CMIP: variants seen among roughly 807,000 people sequenced by gnomAD.
CMIP encodes C-Maf-inducing protein.
In CMIP, 13 loss-of-function variants were observed where a neutral mutation model predicts 97.3. The observed-to-expected ratio is 0.13, with a 90% CI of 0.09 to 0.21. The LOEUF (loss-of-function observed/expected upper bound fraction) is 0.21, where lower values mean the gene tolerates loss of function less well. Among genes scored for constraint, CMIP ranks in the 10% least tolerant of loss-of-function variants. The pLI is 1.00. For synonymous variants in CMIP, 538 were observed against 436.3 expected (o/e 1.23, Z -2.91); for missense variants, 847 against 1,024.9 (o/e 0.83, Z 2.37).
At chr16:81,488,275 A>C (rs1379296815) in intron 1 of CMIP, among the ~76,000 whole-genome samples, 1 of 151,992 alleles carries the variant, frequency 6.6e-6, no homozygotes, top group African/African-American at 2.4e-5. Context: ...ATGGGTTTTA[A>C]ATTCCTCTTC....
chr16:81,636,359 G>A (rs138570502), intron 3 of CMIP, among the ~76,000 whole-genome samples: 3,733 of 152,022 alleles, frequency 0.025, 153 homozygotes, highest in African/African-American at 0.086. Flanking sequence ...GAGGCAGGTG[G>A]CTCACCTGAG....
chr16:81,668,595 C>T lies in CMIP; in HGVS notation c.826-1547C>T, dbSNP rs762184374. Among the ~76,000 whole-genome samples the T allele has an allele frequency of 9.2e-5, 14 of 152,154 alleles. 1 individual carries two copies. Among genetic ancestry groups the T allele is most frequent in the Admixed American group, 7.2e-4 (11 of 15,282 alleles). On this transcript the variant is annotated intron_variant, in intron 7 of 20. Coordinates refer to ENST00000537098, the MANE Select transcript of CMIP (RefSeq NM_198390.3). ...CCTTGACCTGGCCCCTTGACAGAGC[C>T]CCGCAGTGGACACTTTAGTTCCGGG... is the stretch of plus-strand genomic sequence containing the variant.
intron 1 of CMIP, among the ~76,000 whole-genome samples, chr16:81,447,712 C>T (rs1905948091): frequency 6.6e-6 from 1 of 152,264 alleles, no homozygotes; most frequent in South Asian, 2.1e-4. Flanking sequence ...TTTCCGCTGC[C>T]TTTCGTCACC....
intron 10 of CMIP, among the ~76,000 whole-genome samples, chr16:81,689,652 A>C (rs1400760585): frequency 2.0e-5 from 3 of 152,128 alleles, no homozygotes; most frequent in Non-Finnish European, 4.4e-5. Flanking sequence ...GAAGCTCTTT[A>C]GTTTAATTAG....
intron 1 of CMIP, among the ~76,000 whole-genome samples, chr16:81,599,786 A>G (rs1182496674): frequency 6.6e-6 from 1 of 152,176 alleles, no homozygotes; most frequent in Non-Finnish European, 1.5e-5. Flanking sequence ...GCATGTGGAT[A>G]ACAGGGATAA....
At chr16:81,572,760 C>G (rs1164774978) in intron 1 of CMIP, among the ~76,000 whole-genome samples, 2 of 152,186 alleles carry the variant, frequency 1.3e-5, no homozygotes, top group Admixed American at 1.3e-4. Context: ...CAAGGTCCCT[C>G]AGGCTGGTTG....
At position 81,607,435 on chromosome 16, in the gene CMIP, G is replaced by A. The variant is rs192060825; in HGVS notation, c.301-132G>A. ...GGGAGGCTTGCTTTGGTCACCAGAG[G>A]TGCTGAGCTCCTGCACCAGCTCCAT... On this transcript the variant is annotated intron_variant, in intron 1 of 20. Coordinates refer to ENST00000537098, the MANE Select transcript of CMIP (RefSeq NM_198390.3). 18 of 1,167,906 alleles carry A rather than the reference G, an allele frequency of 1.5e-5. No homozygotes were observed. In the African/African-American group the frequency reaches 2.3e-4, roughly 15 times the overall value. 72.3% of individuals were successfully genotyped at this position (1,167,906 alleles called of 1,614,324 possible).
At chr16:81,651,168 T>C (rs2092424035) in intron 3 of CMIP, 1 of 152,122 alleles carries the variant, frequency 6.6e-6, no homozygotes, top group Admixed American at 6.5e-5. Flanking sequence ...AAAATTAGGC[T>C]CTCCCTAAGG....
intron 10 of CMIP, among the ~76,000 whole-genome samples, chr16:81,679,146 C>G (rs541435182): frequency 6.6e-6 from 1 of 152,270 alleles, no homozygotes; most frequent in Admixed American, 6.5e-5. Flanking sequence ...CTTTGTGTGC[C>G]TGAACGGCCA....
intron 1 of CMIP, among the ~76,000 whole-genome samples, chr16:81,592,278 C>T (rs755247011): frequency 6.6e-5 from 10 of 152,218 alleles, no homozygotes; most frequent in Non-Finnish European, 1.3e-4. Flanking sequence ...TGGTCTGTGT[C>T]CTGTCTCAGG....
At chr16:81,551,543 C>T (rs372923728) in intron 1 of CMIP, among the ~76,000 whole-genome samples, 21 of 152,298 alleles carry the variant, frequency 1.4e-4, no homozygotes, top group East Asian at 7.7e-4. Context: ...CAGTGTGTGG[C>T]TGTAGGTGGC....
chr16:81,518,188 C>T (rs2089952811), intron 1 of CMIP: 1 of 152,222 alleles, frequency 6.6e-6, no homozygotes, highest in African/African-American at 2.4e-5. Context: ...CCCTGCATTT[C>T]CTATTTGGCT....
chr16:81,654,606 C>T (rs1316246751), intron 4 of CMIP, among the ~76,000 whole-genome samples: 1 of 152,314 alleles, frequency 6.6e-6, no homozygotes, highest in Non-Finnish European at 1.5e-5. Context: ...CTGCCTGACC[C>T]GGCATCCACT....
intron 1 of CMIP, among the ~76,000 whole-genome samples, chr16:81,534,225 C>G (rs919813838): frequency 4.6e-5 from 7 of 152,216 alleles, no homozygotes; most frequent in Non-Finnish European, 7.3e-5. Flanking sequence ...ACTCTGAGCT[C>G]TTTAAAATTG....
intron 1 of CMIP, among the ~76,000 whole-genome samples, chr16:81,564,575 A>C (rs563961635): frequency 6.6e-6 from 1 of 152,348 alleles, no homozygotes; most frequent in South Asian, 2.1e-4. Context: ...GCCGGGAGCC[A>C]GGAGTTCTCA....
intron 1 of CMIP, among the ~76,000 whole-genome samples, chr16:81,459,401 C>T (rs540363756): frequency 4.6e-5 from 7 of 152,212 alleles, no homozygotes; most frequent in East Asian, 3.9e-4. Context: ...TCCGTGACCT[C>T]GCTCCGTGAC....
chr16:81,659,903 ATTATTATGAT>A (rs542588449), intron 5 of CMIP, among the ~76,000 whole-genome samples: 1 of 152,168 alleles, frequency 6.6e-6, no homozygotes, highest in Non-Finnish European at 1.5e-5. Flanking sequence ...TGCTGTTGTC[ATTATTATGAT>A]GCCTTCTGGA....
In CMIP at chr16:81,512,832, G is replaced by A. The variant is rs150531222; in HGVS notation, c.300+67291G>A. ...GCTCACTGCAACCTCTGCTTCCTGG[G>A]TTCAAGCAATTCTCCTGCCTCAGCC... On this transcript the variant is annotated intron_variant, in intron 1 of 20. Transcript: ENST00000537098. Among the ~76,000 whole-genome samples, 45 of 152,226 alleles carry A rather than the reference G, an allele frequency of 3.0e-4. No homozygotes were observed. In the East Asian group the frequency reaches 8.5e-3, roughly 29 times the overall value.
intron 10 of CMIP, among the ~76,000 whole-genome samples, chr16:81,682,371 C>G (rs746709992): frequency 2.0e-5 from 3 of 152,094 alleles, no homozygotes; most frequent in Non-Finnish European, 4.4e-5. Context: ...TCGAGACCAG[C>G]CTTACCAACA....
Sources: gnomAD v4.1 joint callset for allele counts (sites outside exome capture counted in the v4.1 genomes callset) on GRCh38, gnomAD v4.1.1 for gene constraint, MANE v1.5 for transcripts, NCBI Gene and HGNC (gene_info 2026-07-23, HGNC 2026-07-21) for gene names.